Variants in DCLK2 observed in about 807,000 individuals in gnomAD.
DCLK2 encodes the protein serine/threonine-protein kinase DCLK2.
Under a neutral mutation model 78.4 loss-of-function variants are expected in DCLK2, and 31 were observed. The observed-to-expected ratio is 0.40, with a 90% confidence interval of 0.30 to 0.53. The LOEUF (loss-of-function observed/expected upper bound fraction) is 0.53, where lower values mean the gene tolerates loss of function less well. DCLK2 is among the 20% of genes least tolerant of loss of function. The pLI, the probability that DCLK2 is intolerant of heterozygous loss-of-function variation, is 0.61. For synonymous variants in DCLK2, 407 were observed against 374.9 expected (o/e 1.09, Z -0.99); for missense variants, 872 against 973.7 (o/e 0.90, Z 1.39).
At chr4:150,218,063 C>T (rs887372253) in intron 5 of DCLK2, among the ~76,000 whole-genome samples, 2 of 150,010 alleles carry the variant, frequency 1.3e-5, no homozygotes, top group African/African-American at 2.5e-5. Context: ...CTCGCTCTCT[C>T]TCTCGCTCTC....
At chr4:150,095,859 G>C (rs1160598473) in intron 1 of DCLK2, among the ~76,000 whole-genome samples, 1 of 152,138 alleles carries the variant, frequency 6.6e-6, no homozygotes, top group African/African-American at 2.4e-5. Flanking sequence ...TATTTCCGGC[G>C]TATAAGAAGG....
At chr4:150,110,904 G>T (rs1560780386) in intron 2 of DCLK2, among the ~76,000 whole-genome samples, 7 of 152,116 alleles carry the variant, frequency 4.6e-5, no homozygotes. Flanking sequence ...ACTTAGATTG[G>T]TTCCATGTCT....
At chr4:150,215,610 A>G (rs1740641097) in intron 5 of DCLK2, among the ~76,000 whole-genome samples, 1 of 152,230 alleles carries the variant, frequency 6.6e-6, no homozygotes. Context: ...CTCCCTGGGC[A>G]TGCCACCCTC....
intron 3 of DCLK2, among the ~76,000 whole-genome samples, chr4:150,196,073 A>C (rs549091699): frequency 2.0e-5 from 3 of 152,176 alleles, no homozygotes; most frequent in Non-Finnish European, 2.9e-5. Flanking sequence ...TTTTTTTTTA[A>C]TCAGTTATTT....
intron 1 of DCLK2, among the ~76,000 whole-genome samples, chr4:150,089,931 T>C (rs1729928870): frequency 6.6e-6 from 1 of 152,202 alleles, no homozygotes; most frequent in African/African-American, 2.4e-5. Flanking sequence ...CAAAATTTTG[T>C]CCTCTCGCCT....
intron 2 of DCLK2, among the ~76,000 whole-genome samples, chr4:150,189,609 T>A: frequency 6.6e-6 from 1 of 152,182 alleles, no homozygotes; most frequent in East Asian, 1.9e-4. Flanking sequence ...GGGATTGAGA[T>A]AATACATGCC....
At position 150,175,086 on chromosome 4, in the gene DCLK2, A is replaced by ATATT. The variant is rs375914117; in HGVS notation, c.757-18049_757-18048insTTAT. Among the ~76,000 whole-genome samples the ATATT allele has an allele frequency of 5.0e-3, 191 of 37,982 alleles. 46 individuals are homozygous for ATATT. The highest frequency in any genetic ancestry group is 0.011 in the East Asian group (10 of 922). 24.9% of individuals were successfully genotyped at this position (37,982 alleles called of 152,430 possible). On this transcript the variant is annotated intron_variant, in intron 2 of 15. Transcript: ENST00000296550. Reference sequence around the variant, plus strand: ...TATTTATATATATTTATATATTTATATATATATTTATATATATTTATATAT... The same window carrying ATATT: ...TATTTATATATATTTATATATTTATATATTTATATATTTATATATATTTATATAT...
chr4:150,247,096 G>T (rs551881903), intron 12 of DCLK2, among the ~76,000 whole-genome samples: 2 of 152,146 alleles, frequency 1.3e-5, no homozygotes, highest in African/African-American at 4.8e-5. Flanking sequence ...TAGATTTTCT[G>T]CCTTTCCTTT....
chr4:150,247,687 G>A lies in DCLK2; in HGVS notation c.1863G>A (p.Thr621=), dbSNP rs759327510. The change falls in exon 13 of 16, where the codon ACG becomes ACA. Residue 621 remains threonine, a synonymous_variant. Coordinates refer to ENST00000296550, the MANE Select transcript of DCLK2 (RefSeq NM_001040260.4). ...EFPAPYWDNI[T]DSAKELISQM... The stretch of plus-strand genomic sequence containing the variant: ...CGGCCCCCTACTGGGATAACATCAC[G>A]GACTCTGCCAAGGTACCCTCCAGGC... The A allele has an allele frequency of 1.8e-5, 29 of 1,613,802 alleles. No homozygotes were observed. The highest frequency in any genetic ancestry group is 2.2e-5 in the East Asian group (1 of 44,896).
At chr4:150,175,100 A>T (rs1204929968) in intron 2 of DCLK2, among the ~76,000 whole-genome samples, 2 of 92,368 alleles carry the variant, frequency 2.2e-5, no homozygotes, top group African/African-American at 1.1e-4. Flanking sequence ...ATATTTATAT[A>T]TATTTATATA....
intron 4 of DCLK2, chr4:150,198,880 A>C: frequency 1.8e-6 from 1 of 547,630 alleles, no homozygotes. Context: ...TTTTTCAGAC[A>C]TTCCACTATT....
chr4:150,168,363 C>G (rs543028356), intron 2 of DCLK2, among the ~76,000 whole-genome samples: 1 of 151,714 alleles, frequency 6.6e-6, no homozygotes, highest in East Asian at 1.9e-4. Flanking sequence ...AAAAAAAAAC[C>G]CAAGTCAGAG....
At chr4:150,208,160 G>A (rs577097228) in intron 5 of DCLK2, among the ~76,000 whole-genome samples, 1 of 152,306 alleles carries the variant, frequency 6.6e-6, no homozygotes, top group East Asian at 1.9e-4. Context: ...CCTGGATTCT[G>A]CAAGGACAGG....
At chr4:150,236,506 C>T (rs903371785) in intron 10 of DCLK2, among the ~76,000 whole-genome samples, 2 of 152,130 alleles carry the variant, frequency 1.3e-5, no homozygotes, top group Non-Finnish European at 1.5e-5. Flanking sequence ...AGATAATCTT[C>T]GAAAGAATTT....
chr4:150,082,399 G>C (rs1427612062), intron 1 of DCLK2, among the ~76,000 whole-genome samples: 4 of 152,152 alleles, frequency 2.6e-5, no homozygotes, highest in African/African-American at 9.7e-5. Flanking sequence ...TTCATTCAGA[G>C]CCCCAATCTC....
In DCLK2 at chr4:150,240,451, C is replaced by T; in HGVS notation, c.1753C>T (p.Leu585Phe). The change falls in exon 12 of 16, where the codon CTC becomes TTC. Residue 585 changes from leucine (L) to phenylalanine (F), a missense_variant. Coordinates refer to ENST00000296550, the MANE Select transcript of DCLK2 (RefSeq NM_001040260.4). ...WAAGVITYIL[L>F]CGFPPFRSEN... ...AGCTGGTGTGATCACATACATACTT[C>T]TCTGTGGATTCCCACCATTCCGAAG... 6.2e-7 allele frequency: 1 copy of T among 1,613,412 alleles called. No homozygotes were observed. The highest frequency in any genetic ancestry group is 1.1e-5 in the South Asian group (1 of 90,950).
chr4:150,224,657 T>A, intron 8 of DCLK2, 99 bp downstream of exon 8: 1 of 961,924 alleles, frequency 1.0e-6, no homozygotes, highest in Non-Finnish European at 1.6e-6. Flanking sequence ...GACACAACTA[T>A]CACAGCAGGA....
intron 2 of DCLK2, among the ~76,000 whole-genome samples, chr4:150,114,477 G>T (rs980349107): frequency 4.6e-5 from 7 of 152,062 alleles, no homozygotes; most frequent in Non-Finnish European, 7.3e-5. Flanking sequence ...TTTCTTCATC[G>T]TGGTATTTTT....
At chr4:150,238,022 T>G (rs1742637609) in intron 10 of DCLK2, among the ~76,000 whole-genome samples, 2 of 152,212 alleles carry the variant, frequency 1.3e-5, no homozygotes, top group African/African-American at 4.8e-5. Context: ...AACTATTCAC[T>G]TAGAACCTAA....
Sources: allele counts gnomAD v4.1 joint callset (sites outside exome capture counted in the v4.1 genomes callset), GRCh38; gene constraint gnomAD v4.1.1; transcripts MANE v1.5; gene names NCBI Gene and HGNC (gene_info 2026-07-23, HGNC 2026-07-21).